CMYA5: variants seen among roughly 807,000 people sequenced by gnomAD.
CMYA5 encodes the protein cardiomyopathy-associated protein 5.
A neutral mutation model predicts 318.9 loss-of-function variants in CMYA5; 246 were observed. That is an observed-to-expected ratio of 0.77 (90% confidence interval 0.70 to 0.86). The LOEUF (loss-of-function observed/expected upper bound fraction) is 0.86. Ranked by LOEUF, CMYA5 falls within the 40% of genes least tolerant of loss-of-function variation. CMYA5 has a pLI of 0.00. For synonymous variants in CMYA5, 1,641 were observed against 1,729.5 expected (o/e 0.95, Z 1.27); for missense variants, 4,589 against 4,678.2 (o/e 0.98, Z 0.56).
Position 79,732,559 on chromosome 5 carries a change from A to G in CMYA5, c.3794A>G (p.Glu1265Gly). The G allele has an allele frequency of 6.2e-7, 1 of 1,613,090 alleles. No individual in the cohort carries two copies. Among genetic ancestry groups the G allele is most frequent in the Non-Finnish European group, 8.5e-7 (1 of 1,179,562 alleles). ...AAATTAGTTCTAAATGTGACTTCTG[A>G]ACTAGAACAGAGAAAGTTGTCCAAG... ...KPKLVLNVTSELEQRKLSKNE... is the reference protein window; with the variant it reads ...KPKLVLNVTSGLEQRKLSKNE... Residue 1265 changes from glutamate to glycine, a missense_variant, in exon 2 of 13, where the codon GAA becomes GGA. Glu to Gly is a moderately conservative substitution (Grantham distance 98). Transcript: ENST00000446378.
rs376889617 is a variant in CMYA5 at position 79,729,905 on chromosome 5, T to C, written c.1140T>C (p.Ser380=). The change falls in exon 2 of 13, where the codon TCT becomes TCC. Residue 380 remains serine (S), a synonymous_variant. Transcript: ENST00000446378. Reference sequence around the variant, plus strand: ...AACCACATGAAGTGGAACCTCCATCTGTGACACCCGACACACCTGCAACTA... The same window carrying C: ...AACCACATGAAGTGGAACCTCCATCCGTGACACCCGACACACCTGCAACTA... ...EAKPHEVEPP[S]VTPDTPATMF... is the part of the protein sequence containing the mutation. The C allele has an allele frequency of 9.9e-6, 16 of 1,613,248 alleles. No individual in the cohort carries two copies. The highest frequency in any genetic ancestry group is 1.3e-5 in the African/African-American group (1 of 74,922).
At chr5:79,763,414 G>T in intron 9 of CMYA5, 1 of 505,450 alleles carries the variant, frequency 2.0e-6, no homozygotes. Flanking sequence ...CTACAATGCA[G>T]AATAACTCCC....
chr5:79,730,124 A>C lies in CMYA5; in HGVS notation c.1359A>C (p.Pro453=), dbSNP rs776429122. 1.2e-6 allele frequency: 2 copies of C among 1,613,852 alleles called. No homozygotes were observed. The highest frequency in any genetic ancestry group is 3.3e-5 in the Admixed American group (2 of 60,020). Residue 453 remains proline, a synonymous_variant, in exon 2 of 13, where the codon CCA becomes CCC. Transcript: ENST00000446378. ...CATCTACCCAGGATGGTTTGGACCC[A>C]GACCAAGAACAGCCGGACCTGACTT... ...LAASTQDGLD[P]DQEQPDLTSI...
intron 6 of CMYA5, among the ~76,000 whole-genome samples, chr5:79,755,928 G>C (rs1828519120): frequency 1.3e-5 from 2 of 152,202 alleles, no homozygotes; most frequent in Non-Finnish European, 2.9e-5. Context: ...GAGAAAGAGA[G>C]AGAAATGTGA....
chr5:79,751,165 TA>T (rs932056338), intron 5 of CMYA5, among the ~76,000 whole-genome samples: 3 of 152,302 alleles, frequency 2.0e-5, no homozygotes, highest in African/African-American at 7.2e-5. Flanking sequence ...TTCCCTTTTA[TA>T]ACAATTTTGT....
chr5:79,749,281 G>A (rs994851910), intron 5 of CMYA5, among the ~76,000 whole-genome samples: 2 of 152,212 alleles, frequency 1.3e-5, no homozygotes, highest in Non-Finnish European at 2.9e-5. Flanking sequence ...AGAAACCGCT[G>A]TCAAACGTTC....
At chr5:79,792,287 C>T (rs1172490942) in intron 11 of CMYA5, among the ~76,000 whole-genome samples, 1 of 152,082 alleles carries the variant, frequency 6.6e-6, no homozygotes, top group Non-Finnish European at 1.5e-5. Context: ...GGGCCTGGAA[C>T]ATTGCAGGGG....
intron 1 of CMYA5, among the ~76,000 whole-genome samples, chr5:79,690,867 T>G (rs1359284823): frequency 6.6e-6 from 1 of 152,144 alleles, no homozygotes; most frequent in Non-Finnish European, 1.5e-5. Flanking sequence ...CAGGTGGGTG[T>G]GTACCATCTC....
Position 79,732,248 on chromosome 5 carries a change from G to A in CMYA5, c.3483G>A (p.Lys1161=). The A allele has an allele frequency of 6.2e-7, 1 of 1,613,838 alleles. No homozygotes were observed. The highest frequency in any genetic ancestry group is 1.1e-5 in the South Asian group (1 of 91,082). Residue 1161 remains lysine (K), a synonymous_variant, in exon 2 of 13, where the codon AAG becomes AAA. Transcript: ENST00000446378. ...AALPAQSSIV[K]EETKPASPHS... ...TACCTGCACAATCATCTATAGTAAA[G>A]GAAGAAACCAAACCTGCATCTCCAC...
intron 9 of CMYA5, among the ~76,000 whole-genome samples, chr5:79,770,682 C>T (rs555302963): frequency 2.0e-5 from 3 of 152,238 alleles, no homozygotes; most frequent in East Asian, 1.9e-4. Flanking sequence ...ACATTGATCT[C>T]GCTGGGAGCT....
intron 1 of CMYA5, among the ~76,000 whole-genome samples, chr5:79,718,212 A>G (rs948725000): frequency 1.3e-5 from 2 of 152,164 alleles, no homozygotes; most frequent in African/African-American, 4.8e-5. Context: ...TAGTTTGCTG[A>G]ACTGTTATTC....
At chr5:79,773,229 T>G (rs1053927604) in intron 9 of CMYA5, among the ~76,000 whole-genome samples, 3 of 152,232 alleles carry the variant, frequency 2.0e-5, no homozygotes, top group Non-Finnish European at 4.4e-5. Flanking sequence ...GTTACTGGAA[T>G]GAGTAAATAT....
chr5:79,710,889 A>T (rs182938490), intron 1 of CMYA5, among the ~76,000 whole-genome samples: 80 of 152,300 alleles, frequency 5.3e-4, no homozygotes, highest in Non-Finnish European at 8.8e-5. Flanking sequence ...TAATAAGAGA[A>T]TCTTATGGGA....
At chr5:79,712,749 G>A (rs886819449) in intron 1 of CMYA5, among the ~76,000 whole-genome samples, 1 of 151,932 alleles carries the variant, frequency 6.6e-6, no homozygotes, top group African/African-American at 2.4e-5. Flanking sequence ...TCTACTTTTT[G>A]GACTGATTTG....
intron 1 of CMYA5, among the ~76,000 whole-genome samples, chr5:79,715,904 C>T (rs1445453028): frequency 6.6e-6 from 1 of 152,184 alleles, no homozygotes; most frequent in Non-Finnish European, 1.5e-5. Flanking sequence ...AGCATTGTGT[C>T]AACCACTATA....
At position 79,731,003 on chromosome 5, in the gene CMYA5, G is replaced by A; in HGVS notation, c.2238G>A (p.Val746=). The change falls in exon 2 of 13, where the codon GTG becomes GTA. Residue 746 remains valine, a synonymous_variant. Transcript: ENST00000446378. ...ACACTGGATCGTTTACTCCAGCTGTGGCCCCTGCTTCTGAGCCCTCTCTCT... is the reference window on the plus strand; with the variant it reads ...ACACTGGATCGTTTACTCCAGCTGTAGCCCCTGCTTCTGAGCCCTCTCTCT... ...KEDTGSFTPA[V]APASEPSLSP... is the part of the protein sequence containing the mutation. 5 of 1,613,032 alleles carry A rather than the reference G, an allele frequency of 3.1e-6. No individual in the cohort carries two copies. Among genetic ancestry groups the A allele is most frequent in the Non-Finnish European group, 4.2e-6 (5 of 1,179,658 alleles).
rs1299438078 is a variant in CMYA5 at position 79,731,752 on chromosome 5, A to G, written c.2987A>G (p.Glu996Gly). The change falls in exon 2 of 13, where the codon GAA becomes GGA. Residue 996 changes from glutamate (E) to glycine (G), a missense_variant. By Grantham distance (98) the Glu-to-Gly change is moderately conservative. This residue lies in a region of CMYA5 where 2,132 missense variants were observed against 2,131.3 expected (regional missense o/e 1.00). Transcript: ENST00000446378. Reference sequence around the variant, plus strand: ...TCAGATGAAGACACTGAAGAAGCGGAACTGTTCTCTCCAGACTCAGCATCA... The same window carrying G: ...TCAGATGAAGACACTGAAGAAGCGGGACTGTTCTCTCCAGACTCAGCATCA... ...ILSDEDTEEA[E>G]LFSPDSASQV... 1.2e-6 allele frequency: 2 copies of G among 1,613,722 alleles called. No individual in the cohort carries two copies. The highest frequency in any genetic ancestry group is 1.7e-6 in the Non-Finnish European group (2 of 1,179,838).
intron 1 of CMYA5, among the ~76,000 whole-genome samples, chr5:79,725,809 C>A (rs530655988): frequency 7.9e-5 from 12 of 152,282 alleles, no homozygotes; most frequent in South Asian, 2.1e-4. Flanking sequence ...GAGGCTGAGG[C>A]AGGGGAATCA....
intron 1 of CMYA5, among the ~76,000 whole-genome samples, chr5:79,713,270 A>G (rs1488571408): frequency 1.3e-5 from 2 of 151,616 alleles, no homozygotes; most frequent in Admixed American, 1.3e-4. Flanking sequence ...CTCAGCACAC[A>G]GGACAGTCCC....
Sources: gnomAD v4.1 joint callset for allele counts (sites outside exome capture counted in the v4.1 genomes callset) on GRCh38, gnomAD v4.1.1 for gene constraint, gnomAD v4.1.1 regional missense constraint, MANE v1.5 for transcripts, NCBI Gene and HGNC (gene_info 2026-07-23, HGNC 2026-07-21) for gene names.